GPM6B: variants seen among roughly 807,000 people sequenced by gnomAD.
GPM6B encodes the protein glycoprotein M6B.
GPM6B carries 4 observed loss-of-function variants against 27.2 expected under a neutral mutation model. That is an observed-to-expected ratio of 0.15 (90% confidence interval 0.07 to 0.34). The LOEUF (loss-of-function observed/expected upper bound fraction) is 0.34, where lower values mean the gene tolerates loss of function less well. GPM6B is among the 10% of genes least tolerant of loss of function. GPM6B has a pLI of 1.00. For synonymous variants in GPM6B, 124 were observed against 103.1 expected (o/e 1.20, Z -1.23); for missense variants, 183 against 261.9 (o/e 0.70, Z 2.08).
intron 1 of GPM6B, among the ~76,000 whole-genome samples, chrX:13,854,908 A>G (rs2049762641): frequency 8.9e-6 from 1 of 112,078 alleles, no homozygotes; most frequent in South Asian, 3.8e-4. Context: ...TGAAATGTAC[A>G]TAAAGAAAAT....
chrX:13,935,837 G>T (rs765917142), intron 1 of GPM6B, among the ~76,000 whole-genome samples: 4 of 112,337 alleles, frequency 3.6e-5, no homozygotes. Flanking sequence ...TTCAGCCAGA[G>T]AAATAGTTTC....
chrX:13,809,862 A>G (rs1162995954), intron 1 of GPM6B, among the ~76,000 whole-genome samples: 5 of 96,383 alleles, frequency 5.2e-5, no homozygotes, highest in African/African-American at 2.0e-4. Context: ...GCTTGAACCC[A>G]GGAGATGGAG....
In GPM6B at chrX:13,777,441, C is replaced by CA; in HGVS notation, c.698-17dup. 1 of 1,117,754 alleles carries CA rather than the reference C, an allele frequency of 8.9e-7. No individual in the cohort carries two copies. The allele number at this position is 1,117,754 out of a possible 1,213,427, so 92.1% of individuals were successfully genotyped here. A position where few individuals can be genotyped will look rare whatever the true frequency, so the allele number is the denominator to read the frequency against. ...GGAATGATACCTGTAAAATGAACCCCAATAGGATGTTAGTACAAACTATAG... is the reference window on the plus strand; with the variant it reads ...GGAATGATACCTGTAAAATGAACCCCAAATAGGATGTTAGTACAAACTATAG... On this transcript the variant is annotated splice_polypyrimidine_tract_variant and intron_variant, in intron 5 of 7. Coordinates refer to ENST00000316715, the MANE Select transcript of GPM6B (RefSeq NM_001001995.3).
intron 1 of GPM6B, among the ~76,000 whole-genome samples, chrX:13,876,960 G>A (rs1458972480): frequency 1.8e-5 from 2 of 111,247 alleles, no homozygotes; most frequent in African/African-American, 6.6e-5. Context: ...GTTCATGCAA[G>A]TGCACAGACA....
Position 13,812,181 on chromosome X carries a change from CTGGGAT to C in GPM6B, c.62-4418_62-4413del, listed in dbSNP as rs1218800063. On this transcript the variant is annotated intron_variant, in intron 1 of 7. Coordinates refer to ENST00000316715, the MANE Select transcript of GPM6B (RefSeq NM_001001995.3). ...TCTCCTGCCTCAGCCTCCTGAGTAG[CTGGGAT>C]TACAGGCACACACCACCACGCCCGG... 6.5e-5 allele frequency among the ~76,000 whole-genome samples: 7 copies of C among 107,640 alleles called. No individual in the cohort carries two copies. The East Asian group carries it at 1.8e-3, about 27-fold the overall frequency. 93.5% of individuals were successfully genotyped at this position (107,640 alleles called of 115,157 possible). A position where few individuals can be genotyped will look rare whatever the true frequency, so the allele number is the denominator to read the frequency against.
At chrX:13,924,457 C>T (rs192698476) in intron 1 of GPM6B, among the ~76,000 whole-genome samples, 33 of 110,035 alleles carry the variant, frequency 3.0e-4, no homozygotes, top group African/African-American at 6.3e-4. Context: ...GTATCACCGG[C>T]CAGGCTAATT....
intron 1 of GPM6B, among the ~76,000 whole-genome samples, chrX:13,815,063 A>G (rs1324074979): frequency 8.9e-6 from 1 of 112,144 alleles, no homozygotes; most frequent in Non-Finnish European, 1.9e-5. Flanking sequence ...CTGTTATTAA[A>G]TAAGATTTAA....
chrX:13,839,829 A>G (rs753723422), intron 1 of GPM6B, among the ~76,000 whole-genome samples: 25 of 112,187 alleles, frequency 2.2e-4, no homozygotes, highest in Non-Finnish European at 4.5e-4. Flanking sequence ...AGATACTGAC[A>G]AGCTGATTCT....
At chrX:13,877,658 C>CA (rs199934310) in intron 1 of GPM6B, among the ~76,000 whole-genome samples, 21,479 of 104,185 alleles carry the variant, frequency 0.21, 2,164 homozygotes, top group East Asian at 0.64. Context: ...CCCATCTTTA[C>CA]AAAAAAAACC....
At chrX:13,784,245 G>A (rs936717753) in intron 3 of GPM6B, among the ~76,000 whole-genome samples, 1 of 112,519 alleles carries the variant, frequency 8.9e-6, no homozygotes, top group Non-Finnish European at 1.9e-5. Context: ...ATTGGTCTGG[G>A]GTAAGGCATG....
chrX:13,819,493 T>C (rs1420564283), upstream of GPM6B, among the ~76,000 whole-genome samples: 1 of 112,168 alleles, frequency 8.9e-6, no homozygotes, highest in Non-Finnish European at 1.9e-5. Context: ...GTAAGAACAC[T>C]TCTGAAAGCC....
chrX:13,847,789 A>G (rs1603076266), intron 1 of GPM6B, among the ~76,000 whole-genome samples: 1 of 112,317 alleles, frequency 8.9e-6, no homozygotes, highest in South Asian at 3.7e-4. Flanking sequence ...TCTAGATAAG[A>G]TTGGAGGTGT....
intron 1 of GPM6B, among the ~76,000 whole-genome samples, chrX:13,933,391 AC>A (rs2147083020): frequency 9.0e-6 from 1 of 111,538 alleles, no homozygotes; most frequent in African/African-American, 3.2e-5. Flanking sequence ...CCACCCATTT[AC>A]CCCATATCCT....
intron 1 of GPM6B, among the ~76,000 whole-genome samples, chrX:13,890,929 T>C (rs747453061): frequency 6.3e-5 from 7 of 111,025 alleles, no homozygotes; most frequent in Non-Finnish European, 1.3e-4. Context: ...ATGGTGCATA[T>C]TGAGACCATC....
At chrX:13,799,424 G>A (rs961411367) in intron 2 of GPM6B, among the ~76,000 whole-genome samples, 2 of 104,947 alleles carry the variant, frequency 1.9e-5, no homozygotes, top group Non-Finnish European at 3.9e-5. Flanking sequence ...GTAGAGATGG[G>A]GTTTCACCAT....
chrX:13,805,026 C>T (rs2048997623), intron 2 of GPM6B, among the ~76,000 whole-genome samples: 1 of 111,512 alleles, frequency 9.0e-6, no homozygotes, highest in Admixed American at 9.5e-5. Context: ...TCTCTGCAGA[C>T]AGCTCCAGAC....
At chrX:13,912,170 A>G (rs1479416975) in intron 1 of GPM6B, among the ~76,000 whole-genome samples, 4 of 112,367 alleles carry the variant, frequency 3.6e-5, no homozygotes, top group Non-Finnish European at 7.5e-5. Context: ...AATAGGCTTA[A>G]TCTATAGTGA....
At chrX:13,813,394 T>C (rs2049175411) in intron 1 of GPM6B, among the ~76,000 whole-genome samples, 1 of 112,098 alleles carries the variant, frequency 8.9e-6, no homozygotes, top group South Asian at 3.6e-4. Context: ...TGTAATTTAT[T>C]TTAAATTACA....
intron 1 of GPM6B, among the ~76,000 whole-genome samples, chrX:13,835,023 TTAA>T (rs772613343): frequency 1.8e-5 from 2 of 111,671 alleles, no homozygotes; most frequent in South Asian, 7.6e-4. Flanking sequence ...GACACAAACA[TTAA>T]TTTTTTTATT....
Sources: allele counts gnomAD v4.1 joint callset (sites outside exome capture counted in the v4.1 genomes callset), GRCh38; gene constraint gnomAD v4.1.1; transcripts MANE v1.5; gene names NCBI Gene and HGNC (gene_info 2026-07-23, HGNC 2026-07-21).